The following SHANK1 variants were observed in gnomAD, a reference collection of about 807,000 sequenced individuals.
SHANK1 encodes SH3 and multiple ankyrin repeat domains protein 1.
Under a neutral mutation model 165.6 loss-of-function variants are expected in SHANK1, and 35 were observed. The observed-to-expected ratio is 0.21, with a 90% CI of 0.16 to 0.28. SHANK1 has a LOEUF of 0.28. SHANK1 is among the 10% of genes least tolerant of loss of function. The pLI, the probability that SHANK1 is intolerant of heterozygous loss-of-function variation, is 1.00. For missense variants in SHANK1, 2,681 were observed against 3,036.4 expected, an observed-to-expected ratio of 0.88 and a Z score of 2.75; for synonymous variants, 1,428 against 1,384.8, an observed-to-expected ratio of 1.03 and a Z score of -0.69.
intron 21 of SHANK1, among the ~76,000 whole-genome samples, chr19:50,676,623 T>C (rs1434478912): frequency 6.6e-6 from 1 of 152,190 alleles, no homozygotes; most frequent in Non-Finnish European, 1.5e-5. Context: ...TTCCTCCTGT[T>C]ACTCTGTCAT....
chr19:50,669,853 T>C (rs1985728143), intron 22 of SHANK1, among the ~76,000 whole-genome samples: 2 of 151,864 alleles, frequency 1.3e-5, no homozygotes, highest in East Asian at 3.9e-4. Context: ...TGGTGGACTT[T>C]GAACGCCAGG....
chr19:50,696,155 A>G (rs1324711941), intron 15 of SHANK1, among the ~76,000 whole-genome samples: 2 of 152,112 alleles, frequency 1.3e-5, no homozygotes. Flanking sequence ...GGTGACGGGG[A>G]CCACCCGCAT....
intron 7 of SHANK1, 79 bp downstream of exon 7, chr19:50,711,868 G>T: frequency 6.6e-7 from 1 of 1,526,354 alleles, no homozygotes; most frequent in Non-Finnish European, 9.0e-7. Context: ...CCTGGCATCT[G>T]GTTCCCAGCC....
At position 50,667,636 on chromosome 19, in the gene SHANK1, GC is replaced by G; in HGVS notation, c.4323del (p.Arg1442ValfsTer32). 1 of 1,418,250 alleles carries G rather than the reference GC, an allele frequency of 7.1e-7. No individual in the cohort carries two copies. The highest frequency in any genetic ancestry group is 9.1e-7 in the Non-Finnish European group (1 of 1,095,906). The allele number at this position is 1,418,250 out of a possible 1,614,324, so 87.9% of individuals were successfully genotyped here. On this transcript the variant is annotated frameshift_variant, in exon 23 of 24. Coordinates refer to ENST00000293441, the MANE Select transcript of SHANK1 (RefSeq NM_016148.5). LOFTEE classifies it high-confidence loss of function. This position sits in a 1 kb window ranked among gnomAD's most constrained non-coding sequence, Gnocchi z 5.7. ...GGCGGCAGGCGGTGTAGCAGGGAAC[GC>G]CGGGCGGCGGGCGGGCTGGCGGGAA... The part of the protein sequence containing the change: ...KSLPASPPAA[R>X]RSLLHRLPPT...
chr19:50,700,792 C>G (rs114532012), intron 12 of SHANK1, among the ~76,000 whole-genome samples: 2,480 of 152,206 alleles, frequency 0.016, 79 homozygotes, highest in African/African-American at 0.056. Flanking sequence ...CTGGCCTCAG[C>G]TCACCTTTCT....
Position 50,666,914 on chromosome 19 carries a change from G to A in SHANK1, c.5046C>T (p.Ser1682=). The A allele has an allele frequency of 6.2e-7, 1 of 1,601,678 alleles. No individual in the cohort carries two copies. The part of the protein sequence containing the change: ...DSGIEEVDSR[S]SSDHPLETIS... ...TGGTCTCCAGTGGGTGGTCACTGCTGCTCCGACTGTCCACCTCCTCGATGC... is the reference window on the plus strand; with the variant it reads ...TGGTCTCCAGTGGGTGGTCACTGCTACTCCGACTGTCCACCTCCTCGATGC... The change falls in exon 23 of 24, where the codon AGC becomes AGT. Residue 1682 remains serine (S), a synonymous_variant. Coordinates refer to ENST00000293441, the MANE Select transcript of SHANK1 (RefSeq NM_016148.5).
chr19:50,696,733 C>G (rs1986752538), intron 15 of SHANK1, among the ~76,000 whole-genome samples: 1 of 152,194 alleles, frequency 6.6e-6, no homozygotes, highest in Non-Finnish European at 1.5e-5. Flanking sequence ...GTGACATGCA[C>G]AGAGAGGGAC....
rs2089111942 is a variant in SHANK1 at position 50,719,507 on chromosome 19, C to T, written c.-145G>A. 1 of 141,522 alleles carries T rather than the reference C, an allele frequency of 7.1e-6. No homozygotes were observed. The highest frequency in any genetic ancestry group is 2.3e-4 in the South Asian group (1 of 4,286). 8.8% of individuals were successfully genotyped at this position (141,522 alleles called of 1,614,324 possible). Reference sequence around the variant, plus strand: ...GGAGACGGGGACCCTCAGGCCATGCCCCACCGCCCCGGAGGGCGAGCGGGC... The same window carrying T: ...GGAGACGGGGACCCTCAGGCCATGCTCCACCGCCCCGGAGGGCGAGCGGGC... On this transcript the variant is annotated 5_prime_UTR_variant, in exon 1 of 24. Coordinates refer to ENST00000293441, the MANE Select transcript of SHANK1 (RefSeq NM_016148.5).
In SHANK1 at chr19:50,702,791, C is replaced by T; in HGVS notation, c.1554-131G>A. The T allele has an allele frequency of 1.6e-6, 1 of 640,654 alleles. No individual in the cohort carries two copies. Among genetic ancestry groups the T allele is most frequent in the Non-Finnish European group, 2.7e-6 (1 of 376,078 alleles). 39.7% of individuals were successfully genotyped at this position (640,654 alleles called of 1,614,324 possible). On this transcript the variant is annotated intron_variant, in intron 11 of 23. Coordinates refer to ENST00000293441, the MANE Select transcript of SHANK1 (RefSeq NM_016148.5). The surrounding 1 kb of genome is among the most constrained non-coding windows in gnomAD (Gnocchi z 5.3). ...GGGGGGGTTTCCCAGCACTGGCGTCCTCCAAGGAAGAGGGCATTTGGGGGC... is the reference window on the plus strand; with the variant it reads ...GGGGGGGTTTCCCAGCACTGGCGTCTTCCAAGGAAGAGGGCATTTGGGGGC...
chr19:50,711,838 C>T (rs1286042745), intron 7 of SHANK1, 109 bp downstream of exon 7: 4 of 1,238,520 alleles, frequency 3.2e-6, no homozygotes, highest in Non-Finnish European at 4.6e-6. Flanking sequence ...GTTATTCTCA[C>T]CCCCATGCTC....
chr19:50,714,320 G>C (rs1346908064), intron 4 of SHANK1, 30 bp from the exon 5 acceptor site: 2 of 1,596,314 alleles, frequency 1.3e-6, no homozygotes, highest in Non-Finnish European at 1.7e-6. Context: ...AGAGAAGACA[G>C]GACAGTCAGG....
At chr19:50,665,259 A>T (rs1362804168) in intron 23 of SHANK1, among the ~76,000 whole-genome samples, 1 of 152,104 alleles carries the variant, frequency 6.6e-6, no homozygotes, top group African/African-American at 2.4e-5. Flanking sequence ...GTCTCTACAA[A>T]AAGTTAAAGA....
Position 50,666,496 on chromosome 19 carries a change from C to G in SHANK1, c.5464G>C (p.Val1822Leu). ...GCCGTCGGCAAGGGCACCGGTGGGA[C>G]TTCTGGCTCTACAGCCACCGGACCC... is the stretch of plus-strand genomic sequence containing the variant. ...AGGPVAVEPE[V>L]PPVPLPTASS... The change falls in exon 23 of 24, where the codon GTC (valine) becomes CTC (leucine). Residue 1822 changes from valine to leucine, a missense_variant. Transcript: ENST00000293441. The G allele has an allele frequency of 1.3e-6, 2 of 1,593,710 alleles. No homozygotes were observed. The highest frequency in any genetic ancestry group is 1.7e-6 in the Non-Finnish European group (2 of 1,172,834).
At chr19:50,705,044 C>A (rs1334904086) in intron 8 of SHANK1, among the ~76,000 whole-genome samples, 1 of 151,098 alleles carries the variant, frequency 6.6e-6, no homozygotes, top group African/African-American at 2.4e-5. Context: ...CTGTCTCCCC[C>A]CCAGAAAAAA....
At chr19:50,681,872 A>T (rs970850634) in intron 21 of SHANK1, among the ~76,000 whole-genome samples, 1 of 151,966 alleles carries the variant, frequency 6.6e-6, no homozygotes, top group African/African-American at 2.4e-5. Flanking sequence ...CCCTTGCTCG[A>T]GTGATCCTCC....
intron 8 of SHANK1, among the ~76,000 whole-genome samples, chr19:50,709,428 A>G (rs964821932): frequency 6.6e-6 from 1 of 152,206 alleles, no homozygotes; most frequent in Non-Finnish European, 1.5e-5. Flanking sequence ...GGCGTGAGCC[A>G]CTGCGCCCGG....
In SHANK1 at chr19:50,662,908, G is replaced by A. The variant is rs1023547856; in HGVS notation, c.5769-226C>T. On this transcript the variant is annotated intron_variant, in intron 23 of 23. Transcript: ENST00000293441. The surrounding 1 kb of genome is among the most constrained non-coding windows in gnomAD (Gnocchi z 7.7). ...AAAGATGAGAGGACAGGGAGAGGGCGACAGTTAAGAGAGATGAAAGAAAAA... is the reference window on the plus strand; with the variant it reads ...AAAGATGAGAGGACAGGGAGAGGGCAACAGTTAAGAGAGATGAAAGAAAAA... 3.3e-5 allele frequency among the ~76,000 whole-genome samples: 5 copies of A among 151,726 alleles called. No individual in the cohort carries two copies. The highest frequency in any genetic ancestry group is 6.6e-5 in the Admixed American group (1 of 15,214).
In SHANK1 at chr19:50,668,312, G is replaced by A. The variant is rs1236409743; in HGVS notation, c.3648C>T (p.Thr1216=). ...TGGCCGGGCCGCTGGGCGAGGCGGG[G>A]GTGGGCACGGGCGAGGGGGACGGGG... is the stretch of plus-strand genomic sequence containing the variant. ...PVPPSPSPVP[T]PASPSGPATL... is the part of the protein sequence containing the mutation. The change falls in exon 23 of 24, where the codon ACC becomes ACT. Residue 1216 remains threonine, a synonymous_variant. Coordinates refer to ENST00000293441, the MANE Select transcript of SHANK1 (RefSeq NM_016148.5). The A allele has an allele frequency of 2.3e-6, 3 of 1,284,772 alleles. No individual in the cohort carries two copies. The African/African-American group carries it at 4.7e-5, about 20-fold the overall frequency. The allele number at this position is 1,284,772 out of a possible 1,614,324, so 79.6% of individuals were successfully genotyped here. A position where few individuals can be genotyped will look rare whatever the true frequency, so the allele number is the denominator to read the frequency against.
intron 15 of SHANK1, among the ~76,000 whole-genome samples, chr19:50,694,019 C>CCACACACACACACACA (rs398034977): frequency 7.2e-6 from 1 of 138,618 alleles, no homozygotes; most frequent in Non-Finnish European, 1.6e-5. Context: ...CCAGCACACA[C>CCACACACACACACACA]CACACACACA....
Sources: gnomAD v4.1 joint callset for allele counts (sites outside exome capture counted in the v4.1 genomes callset) on GRCh38, gnomAD v4.1.1 for gene constraint, Gnocchi (gnomAD v3.1) non-coding constraint, MANE v1.5 for transcripts, NCBI Gene and HGNC (gene_info 2026-07-23, HGNC 2026-07-21) for gene names.